Variants in COL4A2 observed in about 807,000 individuals in gnomAD.
COL4A2 encodes collagen type IV alpha 2 chain.
A neutral mutation model predicts 200.2 loss-of-function variants in COL4A2; 99 were observed. That is an observed-to-expected ratio of 0.49 (90% CI 0.42 to 0.58). COL4A2 has a LOEUF of 0.58. Ranked by LOEUF, COL4A2 falls within the 20% of genes least tolerant of loss-of-function variation. COL4A2 has a pLI of 0.00. For synonymous variants in COL4A2, 897 were observed against 900.6 expected, an observed-to-expected ratio of 1.00 and a Z score of 0.07; for missense variants, 1,950 against 2,314.1, an observed-to-expected ratio of 0.84 and a Z score of 3.23.
chr13:110,468,070 C>T (rs1169652500), intron 27 of COL4A2: 9 of 444,374 alleles, frequency 2.0e-5, no homozygotes, highest in South Asian at 4.9e-5. Flanking sequence ...CTCACTGCTT[C>T]CCGTGATAAA....
intron 29 of COL4A2, chr13:110,473,384 G>C: frequency 4.0e-6 from 2 of 505,954 alleles, no homozygotes; most frequent in Non-Finnish European, 6.9e-6. Context: ...GACAGGTGTG[G>C]ATTCACTGAT....
chr13:110,443,690 T>G (rs61963240), intron 16 of COL4A2, among the ~76,000 whole-genome samples: 46,121 of 152,056 alleles, frequency 0.3, 7,492 homozygotes, highest in Middle Eastern at 0.44. Context: ...CAGCTTTCCC[T>G]AAGGGTGGGC....
chr13:110,511,859 A>AGAGG, intron 47 of COL4A2, 75 bp from the exon 48 acceptor site: 1 of 1,604,384 alleles, frequency 6.2e-7, no homozygotes, highest in Non-Finnish European at 8.5e-7. Flanking sequence ...AATGCACAGA[A>AGAGG]GAGGGCTATG....
intron 16 of COL4A2, among the ~76,000 whole-genome samples, chr13:110,443,008 C>G (rs553553914): frequency 6.6e-6 from 1 of 152,324 alleles, no homozygotes; most frequent in South Asian, 2.1e-4. Flanking sequence ...AGGGATGTTG[C>G]ATTTGCACAG....
At chr13:110,418,258 A>G (rs1880121212) in intron 4 of COL4A2, among the ~76,000 whole-genome samples, 1 of 152,234 alleles carries the variant, frequency 6.6e-6, no homozygotes, top group Non-Finnish European at 1.5e-5. Context: ...AGTTCTTTAT[A>G]TGTTCCGGAA....
chr13:110,342,967 C>T (rs536382683), intron 3 of COL4A2, among the ~76,000 whole-genome samples: 12 of 152,288 alleles, frequency 7.9e-5, no homozygotes, highest in African/African-American at 2.9e-4. Flanking sequence ...CAGGGTAGAG[C>T]TGGCTCCTAA....
intron 4 of COL4A2, among the ~76,000 whole-genome samples, chr13:110,392,337 A>T (rs1879018613): frequency 6.6e-6 from 1 of 152,232 alleles, no homozygotes; most frequent in African/African-American, 2.4e-5. Context: ...GTTGAAACGT[A>T]AATGGAGGAG....
chr13:110,359,675 G>A (rs1165191823), intron 4 of COL4A2, among the ~76,000 whole-genome samples: 1 of 152,208 alleles, frequency 6.6e-6, no homozygotes, highest in Non-Finnish European at 1.5e-5. Context: ...TTGGCCTCCA[G>A]GGCTGAGGTG....
chr13:110,322,218 G>T (rs555180022), intron 3 of COL4A2, among the ~76,000 whole-genome samples: 101 of 152,332 alleles, frequency 6.6e-4, no homozygotes, highest in Admixed American at 1.4e-3. Context: ...CCTGGGGCTG[G>T]CCTGCCTGCC....
chr13:110,412,121 T>C lies in COL4A2; in HGVS notation c.181-12613T>C, dbSNP rs116685853. Among the ~76,000 whole-genome samples the C allele has an allele frequency of 3.2e-3, 482 of 152,328 alleles. 1 individual carries two copies. Among genetic ancestry groups the C allele is most frequent in the African/African-American group, 0.011 (463 of 41,552 alleles). On this transcript the variant is annotated intron_variant, in intron 4 of 47. Coordinates refer to ENST00000360467, the MANE Select transcript of COL4A2 (RefSeq NM_001846.4). ...CTAACAGGTCCGCCAATACACAAAT[T>C]TGGAACACTTTCCTTTAAGCAAGTC...
chr13:110,353,848 G>C (rs1320710145), intron 3 of COL4A2, among the ~76,000 whole-genome samples: 1 of 152,194 alleles, frequency 6.6e-6, no homozygotes, highest in African/African-American at 2.4e-5. Flanking sequence ...GAATGAGCAG[G>C]GCTGCCTCTC....
intron 29 of COL4A2, chr13:110,473,443 C>G (rs1388094558): frequency 2.7e-5 from 10 of 375,718 alleles, no homozygotes; most frequent in Non-Finnish European, 4.8e-6. Flanking sequence ...GGGGCCGTGA[C>G]AGGCTCACTG....
intron 4 of COL4A2, among the ~76,000 whole-genome samples, chr13:110,423,996 G>C (rs1009512441): frequency 3.3e-5 from 5 of 152,074 alleles, no homozygotes; most frequent in Non-Finnish European, 7.3e-5. Context: ...TGTGAATCAC[G>C]CTGCTGTGCG....
chr13:110,399,688 G>T (rs971892844), intron 4 of COL4A2, among the ~76,000 whole-genome samples: 1 of 152,144 alleles, frequency 6.6e-6, no homozygotes, highest in Admixed American at 6.5e-5. Context: ...AAATTTGGGG[G>T]GATGTGCCAT....
intron 40 of COL4A2, among the ~76,000 whole-genome samples, chr13:110,496,312 G>C (rs912947): frequency 0.36 from 55,095 of 152,140 alleles, 11,307 homozygotes; most frequent in Non-Finnish European, 0.46. Context: ...GGGATGTCTC[G>C]AGGCTTGCAG....
At chr13:110,333,154 G>A (rs1876004489) in intron 3 of COL4A2, among the ~76,000 whole-genome samples, 1 of 152,240 alleles carries the variant, frequency 6.6e-6, no homozygotes, top group Admixed American at 6.5e-5. Context: ...GACCCCTCCA[G>A]GGGTGTAGTG....
In COL4A2 at chr13:110,508,410, A is replaced by G; in HGVS notation, c.4881+189A>G. 1.1e-6 allele frequency: 1 copy of G among 907,212 alleles called. No individual in the cohort carries two copies. The highest frequency in any genetic ancestry group is 1.6e-6 in the Non-Finnish European group (1 of 613,864). The allele number at this position is 907,212 out of a possible 1,614,324, so 56.2% of individuals were successfully genotyped here. ...TGGCTAACTGAGCCACATGCTGGGC[A>G]CAGGGCTTCCTCCACCCAGAAAGGG... On this transcript the variant is annotated intron_variant, in intron 47 of 47. Transcript: ENST00000360467. This position sits in a 1 kb window ranked among gnomAD's most constrained non-coding sequence, Gnocchi z 6.1.
chr13:110,371,017 T>C (rs1326927473), intron 4 of COL4A2, among the ~76,000 whole-genome samples: 1 of 152,210 alleles, frequency 6.6e-6, no homozygotes, highest in Non-Finnish European at 1.5e-5. Context: ...AAGACTTCTT[T>C]AGTAGAAGGA....
intron 31 of COL4A2, among the ~76,000 whole-genome samples, chr13:110,481,622 GT>G (rs766586777): frequency 0.059 from 840 of 14,338 alleles, 24 homozygotes; most frequent in Middle Eastern, 0.083. Flanking sequence ...CTGTCCCTCC[GT>G]TGCTGGAGAC....
Sources: gnomAD v4.1 joint callset for allele counts (sites outside exome capture counted in the v4.1 genomes callset) on GRCh38, gnomAD v4.1.1 for gene constraint, Gnocchi (gnomAD v3.1) non-coding constraint, MANE v1.5 for transcripts, NCBI Gene and HGNC (gene_info 2026-07-23, HGNC 2026-07-21) for gene names.